SLC25A21: variants seen among roughly 807,000 people sequenced by gnomAD.
The protein encoded by SLC25A21 is mitochondrial 2-oxodicarboxylate carrier.
A neutral mutation model predicts 43.8 loss-of-function variants in SLC25A21; 47 were observed. That is an observed-to-expected ratio of 1.07 (90% CI 0.85 to 1.37). The LOEUF (loss-of-function observed/expected upper bound fraction) is 1.37. SLC25A21 is among the 40% of genes most tolerant of loss of function. The pLI, the probability that SLC25A21 is intolerant of heterozygous loss-of-function variation, is 0.00. For missense variants in SLC25A21, 352 were observed against 350.2 expected, an observed-to-expected ratio of 1.00 and a Z score of -0.04; for synonymous variants, 131 against 121.3, an observed-to-expected ratio of 1.08 and a Z score of -0.52.
chr14:36,686,815 C>G (rs908524292), intron 7 of SLC25A21, among the ~76,000 whole-genome samples: 1 of 152,086 alleles, frequency 6.6e-6, no homozygotes, highest in Non-Finnish European at 1.5e-5. Context: ...TGCTGAGGAC[C>G]AGAGTTGGGG....
intron 1 of SLC25A21, among the ~76,000 whole-genome samples, chr14:37,145,087 T>A (rs1444306740): frequency 3.3e-5 from 5 of 152,186 alleles, no homozygotes; most frequent in Non-Finnish European, 1.5e-5. Flanking sequence ...TCAATCCATA[T>A]GATCCTTCCA....
At chr14:36,940,995 C>A (rs765266791) in intron 1 of SLC25A21, among the ~76,000 whole-genome samples, 2 of 151,808 alleles carry the variant, frequency 1.3e-5, no homozygotes, top group Non-Finnish European at 2.9e-5. Flanking sequence ...TTTTTTCACA[C>A]AAAAATACTC....
intron 1 of SLC25A21, among the ~76,000 whole-genome samples, chr14:37,024,214 T>C (rs10151535): frequency 0.054 from 8,174 of 152,146 alleles, 715 homozygotes; most frequent in African/African-American, 0.19. Context: ...GGGCAGTCCT[T>C]TTCTCTCCTT....
At chr14:37,129,882 C>A (rs1963363279) in intron 1 of SLC25A21, among the ~76,000 whole-genome samples, 1 of 151,848 alleles carries the variant, frequency 6.6e-6, no homozygotes, top group South Asian at 2.1e-4. Flanking sequence ...CTAATTCTTG[C>A]CTGAATTGAA....
chr14:36,714,435 C>T (rs1884032733), intron 6 of SLC25A21, among the ~76,000 whole-genome samples: 1 of 152,152 alleles, frequency 6.6e-6, no homozygotes, highest in African/African-American at 2.4e-5. Context: ...AGTGCCTCAC[C>T]CAGGAGCTTT....
In SLC25A21 at chr14:36,683,824, T is replaced by G. The variant is rs1207180703; in HGVS notation, c.838+4A>C. ...AAGGATTAAATAATCAAAATTATCA[T>G]TACCTGGTCCAAGTCTCATAATCTT... On this transcript the variant is annotated splice_donor_region_variant and intron_variant, in intron 9 of 9. Coordinates refer to ENST00000331299, the MANE Select transcript of SLC25A21 (RefSeq NM_030631.4). 2 of 1,595,438 alleles carry G rather than the reference T, an allele frequency of 1.3e-6. No homozygotes were observed. Among genetic ancestry groups the G allele is most frequent in the South Asian group, 2.3e-5 (2 of 87,992 alleles).
rs1281702032 is a variant in SLC25A21, at chr14:36,694,673, A to AT, written c.604-9749dup. On this transcript the variant is annotated intron_variant, in intron 7 of 9. Transcript: ENST00000331299. The stretch of plus-strand genomic sequence containing the variant: ...TCTCTGATGACCAGTGATGATGAGC[A>AT]TTTTTTCATGTATCTGTTGGCTGCA... 5.9e-5 allele frequency among the ~76,000 whole-genome samples: 9 copies of AT among 152,228 alleles called. No individual in the cohort carries two copies. The East Asian group carries it at 1.5e-3, about 26-fold the overall frequency.
intron 1 of SLC25A21, among the ~76,000 whole-genome samples, chr14:37,033,609 A>T (rs1201330642): frequency 3.3e-5 from 5 of 152,158 alleles, no homozygotes; most frequent in African/African-American, 1.2e-4. Context: ...AAGAGATTAC[A>T]TTTGTTATTT....
intron 1 of SLC25A21, among the ~76,000 whole-genome samples, chr14:36,958,500 T>G (rs1959398442): frequency 6.6e-6 from 1 of 152,194 alleles, no homozygotes; most frequent in African/African-American, 2.4e-5. Context: ...TACCAAGCAC[T>G]AGTCAGAGAC....
At chr14:36,726,854 C>G (rs1884621443) in intron 5 of SLC25A21, among the ~76,000 whole-genome samples, 1 of 152,088 alleles carries the variant, frequency 6.6e-6, no homozygotes, top group South Asian at 2.1e-4. Context: ...GAGTAAATAA[C>G]AGGTAACTCT....
intron 3 of SLC25A21, among the ~76,000 whole-genome samples, chr14:36,782,531 C>G (rs561810747): frequency 1.8e-4 from 28 of 152,210 alleles, no homozygotes; most frequent in African/African-American, 6.0e-4. Flanking sequence ...TTTGAAGATG[C>G]AGTCACCTCC....
chr14:37,023,892 G>C (rs993238410), intron 1 of SLC25A21, among the ~76,000 whole-genome samples: 2 of 151,694 alleles, frequency 1.3e-5, no homozygotes, highest in Non-Finnish European at 2.9e-5. Context: ...CTGAGCTCCA[G>C]ATAGACAAAG....
intron 1 of SLC25A21, among the ~76,000 whole-genome samples, chr14:36,936,273 G>A (rs1892421066): frequency 6.6e-6 from 1 of 152,132 alleles, no homozygotes; most frequent in Non-Finnish European, 1.5e-5. Context: ...TTGACTGGAT[G>A]AGCTATTATC....
chr14:37,130,065 A>T (rs1297075595), intron 1 of SLC25A21, among the ~76,000 whole-genome samples: 2 of 144,802 alleles, frequency 1.4e-5, no homozygotes, highest in Non-Finnish European at 3.0e-5. Flanking sequence ...CAGCTGGGCA[A>T]CATAGTGAGA....
intron 3 of SLC25A21, among the ~76,000 whole-genome samples, chr14:36,792,612 A>G (rs1055382351): frequency 2.0e-5 from 3 of 152,194 alleles, no homozygotes; most frequent in African/African-American, 4.8e-5. Context: ...CATCTAGCTA[A>G]TGACTCCCTG....
At chr14:36,907,428 T>C (rs1318109601) in intron 1 of SLC25A21, among the ~76,000 whole-genome samples, 1 of 152,188 alleles carries the variant, frequency 6.6e-6, no homozygotes, top group African/African-American at 2.4e-5. Flanking sequence ...TTTTGAAGTA[T>C]GTATACATTG....
At chr14:37,089,850 T>G (rs1566873301) in intron 1 of SLC25A21, among the ~76,000 whole-genome samples, 1 of 152,320 alleles carries the variant, frequency 6.6e-6, no homozygotes, top group East Asian at 1.9e-4. Context: ...CAAGTTGATG[T>G]CTTATCTAAT....
chr14:36,811,823 A>C (rs1281257352), intron 3 of SLC25A21, among the ~76,000 whole-genome samples: 1 of 152,260 alleles, frequency 6.6e-6, no homozygotes, highest in Non-Finnish European at 1.5e-5. Flanking sequence ...TGGATTAAAA[A>C]TTGTAATGTA....
At chr14:36,944,579 C>T (rs1243332077) in intron 1 of SLC25A21, among the ~76,000 whole-genome samples, 4 of 152,284 alleles carry the variant, frequency 2.6e-5, no homozygotes, top group Admixed American at 1.3e-4. Flanking sequence ...AAGGGTGGGG[C>T]TCCAAGGGCC....
Sources: gnomAD v4.1 joint callset for allele counts (sites outside exome capture counted in the v4.1 genomes callset) on GRCh38, gnomAD v4.1.1 for gene constraint, MANE v1.5 for transcripts, NCBI Gene and HGNC (gene_info 2026-07-23, HGNC 2026-07-21) for gene names.